NRG3: variants seen among roughly 807,000 people sequenced by gnomAD.
NRG3 encodes neuregulin 3.
A neutral mutation model predicts 66.9 loss-of-function variants in NRG3; 31 were observed. That is an observed-to-expected ratio of 0.46 (90% CI 0.35 to 0.63). The LOEUF (loss-of-function observed/expected upper bound fraction) is 0.63. NRG3 is among the 20% of genes least tolerant of loss of function. NRG3 has a pLI of 0.00. For missense variants in NRG3, 910 were observed against 878.9 expected, an observed-to-expected ratio of 1.04 and a Z score of -0.45; for synonymous variants, 393 against 359.4, an observed-to-expected ratio of 1.09 and a Z score of -1.06.
intron 1 of NRG3, among the ~76,000 whole-genome samples, chr10:82,089,410 A>G (rs1358180277): frequency 6.6e-6 from 1 of 152,122 alleles, no homozygotes; most frequent in Non-Finnish European, 1.5e-5. Context: ...TGTTCTGCCT[A>G]ACAGAGGTTA....
At chr10:82,684,313 G>C (rs2054337264) in intron 2 of NRG3, among the ~76,000 whole-genome samples, 1 of 152,170 alleles carries the variant, frequency 6.6e-6, no homozygotes, top group African/African-American at 2.4e-5. Context: ...AGTGATGGCA[G>C]TCTGCTTCCA....
intron 2 of NRG3, among the ~76,000 whole-genome samples, chr10:82,666,326 G>A (rs1001660168): frequency 2.0e-5 from 3 of 152,124 alleles, no homozygotes; most frequent in Non-Finnish European, 4.4e-5. Flanking sequence ...AGATATAGAT[G>A]TTCATAACTC....
intron 3 of NRG3, among the ~76,000 whole-genome samples, chr10:82,832,042 C>G (rs746310533): frequency 9.2e-5 from 14 of 152,124 alleles, no homozygotes; most frequent in Non-Finnish European, 1.9e-4. Context: ...TTAGATGTTG[C>G]CTGATAGCTA....
intron 1 of NRG3, among the ~76,000 whole-genome samples, chr10:82,338,666 G>C (rs1048699236): frequency 2.0e-5 from 3 of 152,174 alleles, no homozygotes; most frequent in Non-Finnish European, 4.4e-5. Context: ...ATAAATATGT[G>C]CTGACTTATT....
intron 3 of NRG3, among the ~76,000 whole-genome samples, chr10:82,746,258 T>C (rs1432952084): frequency 1.3e-5 from 2 of 152,142 alleles, no homozygotes; most frequent in African/African-American, 2.4e-5. Context: ...CCACCTGCCC[T>C]TGCCTCTCTC....
intron 3 of NRG3, among the ~76,000 whole-genome samples, chr10:82,744,903 A>G (rs1418761392): frequency 6.6e-6 from 1 of 152,130 alleles, no homozygotes; most frequent in Non-Finnish European, 1.5e-5. Context: ...TATTATCATC[A>G]TTATTATTTT....
At chr10:82,090,898 A>T (rs2065988514) in intron 1 of NRG3, among the ~76,000 whole-genome samples, 1 of 152,174 alleles carries the variant, frequency 6.6e-6, no homozygotes, top group Non-Finnish European at 1.5e-5. Context: ...GAAAAGGCAG[A>T]AAAAGGTAGT....
At chr10:82,908,558 G>A (rs1844982939) in intron 4 of NRG3, among the ~76,000 whole-genome samples, 1 of 152,138 alleles carries the variant, frequency 6.6e-6, no homozygotes, top group Non-Finnish European at 1.5e-5. Context: ...ACTCAACCCT[G>A]AAATAAAACG....
chr10:82,841,798 T>G (rs2063068012), intron 3 of NRG3, among the ~76,000 whole-genome samples: 1 of 152,166 alleles, frequency 6.6e-6, no homozygotes, highest in South Asian at 2.1e-4. Context: ...CCTAGTGAAG[T>G]TGACATATAA....
intron 1 of NRG3, among the ~76,000 whole-genome samples, chr10:82,025,625 G>T (rs574492218): frequency 6.6e-5 from 10 of 152,110 alleles, no homozygotes; most frequent in African/African-American, 1.9e-4. Context: ...CCTGTTCCCT[G>T]CAACCTTACC....
At chr10:82,683,079 C>G (rs2054235379) in intron 2 of NRG3, among the ~76,000 whole-genome samples, 1 of 151,192 alleles carries the variant, frequency 6.6e-6, no homozygotes, top group East Asian at 2.0e-4. Context: ...CTGCCTTAGC[C>G]TCCTGAACAG....
At chr10:82,355,761 T>A (rs892405274) in intron 1 of NRG3, among the ~76,000 whole-genome samples, 1 of 152,190 alleles carries the variant, frequency 6.6e-6, no homozygotes, top group East Asian at 1.9e-4. Flanking sequence ...CCTTAGCCAA[T>A]GCCTCTGTGA....
chr10:82,025,357 T>C (rs1457886298), intron 1 of NRG3, among the ~76,000 whole-genome samples: 1 of 151,604 alleles, frequency 6.6e-6, no homozygotes, highest in Admixed American at 6.6e-5. Flanking sequence ...ATATAGATTG[T>C]AGTGTATATG....
At chr10:82,620,854 A>G (rs528286731) in intron 2 of NRG3, among the ~76,000 whole-genome samples, 72 of 152,074 alleles carry the variant, frequency 4.7e-4, no homozygotes, top group Middle Eastern at 3.4e-3. Flanking sequence ...CCTCTGCCTT[A>G]TAAAAATATG....
chr10:82,707,352 T>C (rs2056370705), intron 2 of NRG3, among the ~76,000 whole-genome samples: 1 of 152,064 alleles, frequency 6.6e-6, no homozygotes, highest in Non-Finnish European at 1.5e-5. Context: ...AGTTGTGGGC[T>C]GAGATTTTTC....
At chr10:82,210,200 G>C (rs1261786898) in intron 1 of NRG3, among the ~76,000 whole-genome samples, 3 of 152,156 alleles carry the variant, frequency 2.0e-5, no homozygotes, top group Non-Finnish European at 2.9e-5. Flanking sequence ...TACAGATACA[G>C]AGTTAATATT....
intron 2 of NRG3, among the ~76,000 whole-genome samples, chr10:82,486,878 C>A (rs534493510): frequency 6.6e-6 from 1 of 152,068 alleles, no homozygotes; most frequent in Admixed American, 6.5e-5. Flanking sequence ...ATCAGCCGAA[C>A]CCACAGAAGC....
At chr10:82,072,461 A>G (rs1223556555) in intron 1 of NRG3, among the ~76,000 whole-genome samples, 4 of 152,214 alleles carry the variant, frequency 2.6e-5, no homozygotes. Context: ...TAAATATTGT[A>G]TACATAAACT....
chr10:82,159,658 C>T (rs979521313), intron 1 of NRG3, among the ~76,000 whole-genome samples: 2 of 151,938 alleles, frequency 1.3e-5, no homozygotes, highest in South Asian at 2.1e-4. Context: ...ACCATGCCTT[C>T]GTTAGTTTTT....
Sources: allele counts gnomAD v4.1 joint callset (sites outside exome capture counted in the v4.1 genomes callset), GRCh38; gene constraint gnomAD v4.1.1; transcripts MANE v1.5; gene names NCBI Gene and HGNC (gene_info 2026-07-23, HGNC 2026-07-21).